The following PLEKHA7 variants were observed in gnomAD, a reference collection of about 807,000 sequenced individuals.
The protein encoded by PLEKHA7 is pleckstrin homology domain-containing family A member 7.
A neutral mutation model predicts 170.0 loss-of-function variants in PLEKHA7; 104 were observed. The ratio of observed to expected loss-of-function variants is 0.61; its 90% CI spans 0.52 to 0.72. The LOEUF (loss-of-function observed/expected upper bound fraction) is 0.72, where lower values mean the gene tolerates loss of function less well. PLEKHA7 is among the 30% of genes least tolerant of loss of function. The probability of loss-of-function intolerance (pLI) is 0.00; values close to 1 mark genes in which losing one functional copy is unlikely to be tolerated. For synonymous variants in PLEKHA7, 648 were observed against 660.8 expected (o/e 0.98, Z 0.30); for missense variants, 1,615 against 1,671.7 (o/e 0.97, Z 0.59).
At chr11:16,935,797 A>G (rs142795396) in intron 3 of PLEKHA7, among the ~76,000 whole-genome samples, 50 of 152,268 alleles carry the variant, frequency 3.3e-4, no homozygotes, top group Non-Finnish European at 7.4e-4. Context: ...ACCAAAGAAA[A>G]AGTGGTATTT....
chr11:16,822,227 G>GT (rs1051945719), intron 10 of PLEKHA7, among the ~76,000 whole-genome samples: 2 of 152,064 alleles, frequency 1.3e-5, no homozygotes, highest in African/African-American at 4.8e-5. Flanking sequence ...GCTTTTGAAA[G>GT]TTTTTTCTGT....
chr11:16,889,417 AAAAATATATAT>A (rs1368040703), intron 3 of PLEKHA7, among the ~76,000 whole-genome samples: 6 of 111,342 alleles, frequency 5.4e-5, no homozygotes, highest in Admixed American at 5.2e-4. Context: ...AAAAAAAAAA[AAAAATATATAT>A]ATATATATAT....
intron 3 of PLEKHA7, among the ~76,000 whole-genome samples, chr11:16,968,125 C>T (rs1307067693): frequency 6.6e-6 from 1 of 152,172 alleles, no homozygotes; most frequent in Admixed American, 6.5e-5. Context: ...GGGCTTTACC[C>T]ACAGGAAGTC....
intron 8 of PLEKHA7, among the ~76,000 whole-genome samples, chr11:16,843,763 C>G (rs1209051593): frequency 5.3e-5 from 8 of 152,110 alleles, no homozygotes; most frequent in Non-Finnish European, 2.9e-5. Flanking sequence ...ATGTTGAAAC[C>G]CCATCTCTAC....
intron 3 of PLEKHA7, among the ~76,000 whole-genome samples, chr11:17,011,327 A>C (rs1045256982): frequency 2.0e-5 from 3 of 152,082 alleles, no homozygotes; most frequent in Admixed American, 6.6e-5. Flanking sequence ...CCGTCTCTTT[A>C]CTGCAGCATC....
At chr11:16,845,419 T>G (rs568396489) in intron 8 of PLEKHA7, among the ~76,000 whole-genome samples, 1 of 152,340 alleles carries the variant, frequency 6.6e-6, no homozygotes, top group East Asian at 1.9e-4. Context: ...CAGGCTGGAG[T>G]GCAGTGGTAC....
chr11:16,935,620 T>G (rs1860234299), intron 3 of PLEKHA7, among the ~76,000 whole-genome samples: 2 of 152,342 alleles, frequency 1.3e-5, no homozygotes, highest in South Asian at 4.1e-4. Context: ...GCCAAAATCC[T>G]TACTGAGACT....
At chr11:16,918,420 A>C (rs1273110599) in intron 3 of PLEKHA7, among the ~76,000 whole-genome samples, 2 of 152,200 alleles carry the variant, frequency 1.3e-5, no homozygotes, top group African/African-American at 4.8e-5. Flanking sequence ...GGTGGCTATA[A>C]GGGGCAACTG....
chr11:16,810,273 C>A (rs1413046567), intron 13 of PLEKHA7, among the ~76,000 whole-genome samples: 2 of 152,216 alleles, frequency 1.3e-5, no homozygotes, highest in African/African-American at 4.8e-5. Context: ...TGATTCCAGC[C>A]CTTCCTTCAT....
intron 9 of PLEKHA7, among the ~76,000 whole-genome samples, chr11:16,828,551 C>A (rs968904214): frequency 6.6e-6 from 1 of 152,262 alleles, no homozygotes; most frequent in East Asian, 1.9e-4. Context: ...TCGCTGTTCA[C>A]GTACCAATGT....
At chr11:16,864,233 C>G (rs1223344584) in intron 4 of PLEKHA7, among the ~76,000 whole-genome samples, 1 of 152,078 alleles carries the variant, frequency 6.6e-6, no homozygotes. Flanking sequence ...CTCTCTGTGC[C>G]TTAGTATTCA....
chr11:16,988,811 C>T (rs1387889742), intron 3 of PLEKHA7, among the ~76,000 whole-genome samples: 2 of 152,178 alleles, frequency 1.3e-5, no homozygotes, highest in Non-Finnish European at 2.9e-5. Context: ...CAGAAGGTAT[C>T]GTTGTAAACC....
intron 4 of PLEKHA7, among the ~76,000 whole-genome samples, chr11:16,857,699 T>G (rs1853583578): frequency 6.6e-6 from 1 of 151,092 alleles, no homozygotes; most frequent in Non-Finnish European, 1.5e-5. Context: ...ACAAAAAAGA[T>G]TTGTTTGAAT....
chr11:16,848,200 A>G (rs1852621167), intron 8 of PLEKHA7, among the ~76,000 whole-genome samples: 1 of 152,260 alleles, frequency 6.6e-6, no homozygotes, highest in Admixed American at 6.5e-5. Flanking sequence ...CTCATCCTGT[A>G]ATAATACACA....
At chr11:16,884,597 T>C (rs1252582641) in intron 3 of PLEKHA7, among the ~76,000 whole-genome samples, 3 of 151,356 alleles carry the variant, frequency 2.0e-5, no homozygotes, top group African/African-American at 7.3e-5. Flanking sequence ...ATTGCATCAC[T>C]GCACTCCAGC....
At chr11:16,805,553 A>G (rs2134461923) in intron 13 of PLEKHA7, among the ~76,000 whole-genome samples, 1 of 152,116 alleles carries the variant, frequency 6.6e-6, no homozygotes, top group East Asian at 1.9e-4. Flanking sequence ...GCACTTTGGG[A>G]GGCCAAGGCG....
At chr11:16,862,803 C>T (rs1454106035) in intron 4 of PLEKHA7, among the ~76,000 whole-genome samples, 1 of 152,194 alleles carries the variant, frequency 6.6e-6, no homozygotes, top group Admixed American at 6.5e-5. Context: ...GTCTCCTAGT[C>T]CAGGGAAGAA....
intron 3 of PLEKHA7, among the ~76,000 whole-genome samples, chr11:16,902,216 G>A (rs1369752688): frequency 1.3e-5 from 2 of 152,148 alleles, no homozygotes; most frequent in Non-Finnish European, 2.9e-5. Flanking sequence ...CCATTATATA[G>A]ACACACCACA....
Position 16,907,141 on chromosome 11 carries a change from G to A in PLEKHA7, c.222-35959C>T, listed in dbSNP as rs1188531116. 1.5e-3 allele frequency among the ~76,000 whole-genome samples: 149 copies of A among 100,566 alleles called. 1 individual carries two copies. Among genetic ancestry groups the A allele is most frequent in the African/African-American group, 6.0e-3 (147 of 24,326 alleles). 66.0% of individuals were successfully genotyped at this position (100,566 alleles called of 152,430 possible). On this transcript the variant is annotated intron_variant, in intron 3 of 26. Transcript: ENST00000531066. The stretch of plus-strand genomic sequence containing the variant: ...GGGTCAGCCCCCCGCCCGGCCAGCC[G>A]CCCCGTCCGGAAGGGAGGTGGGGGG...
Sources: allele counts gnomAD v4.1 joint callset (sites outside exome capture counted in the v4.1 genomes callset), GRCh38; gene constraint gnomAD v4.1.1; transcripts MANE v1.5; gene names NCBI Gene and HGNC (gene_info 2026-07-23, HGNC 2026-07-21).